Variants in PHRF1 observed in about 807,000 individuals in gnomAD.
PHRF1 encodes the protein PHD and RING finger domain-containing protein 1.
Under a neutral mutation model 128.9 loss-of-function variants are expected in PHRF1, and 53 were observed. That is an observed-to-expected ratio of 0.41 (90% CI 0.33 to 0.52). The LOEUF is 0.52. Among genes scored for constraint, PHRF1 ranks in the 20% least tolerant of loss-of-function variants. The pLI is 0.21. For missense variants in PHRF1, 2,503 were observed against 2,284.5 expected (o/e 1.10, Z -1.95); for synonymous variants, 1,178 against 980.6 (o/e 1.20, Z -3.76).
At chr11:582,412 G>A (rs1490606400) in intron 3 of PHRF1, among the ~76,000 whole-genome samples, 4 of 151,686 alleles carry the variant, frequency 2.6e-5, no homozygotes, top group East Asian at 3.9e-4. Context: ...TTACAGGCAC[G>A]CACCATGACA....
At chr11:589,539 G>GT (rs1854797897) in intron 4 of PHRF1, among the ~76,000 whole-genome samples, 1 of 150,986 alleles carries the variant, frequency 6.6e-6, no homozygotes, top group Non-Finnish European at 1.5e-5. Flanking sequence ...AGTCCCAGGG[G>GT]TTTTGCAGGG....
At chr11:611,605 G>C in intron 17 of PHRF1, 29 bp from the exon 18 acceptor site, 1 of 1,612,582 alleles carries the variant, frequency 6.2e-7, no homozygotes, top group East Asian at 2.2e-5. Context: ...ATGTGAAAGG[G>C]CATTTGGTGA....
chr11:585,715 C>G (rs1308471275), intron 3 of PHRF1, among the ~76,000 whole-genome samples: 4 of 125,716 alleles, frequency 3.2e-5, no homozygotes, highest in Admixed American at 2.7e-4. Context: ...GAGTCTCGCT[C>G]TGTTGCCCAG....
Position 609,504 on chromosome 11 carries a change from G to A in PHRF1, c.4048G>A (p.Asp1350Asn). ...GTQEPHLLRP[D>N]AAEKAEAPSS... Reference sequence around the variant, plus strand: ...CCAGGAGCCACATTTGCTCAGGCCGGACGCGGCTGAGAAGGCTGAGGCACC... The same window carrying A: ...CCAGGAGCCACATTTGCTCAGGCCGAACGCGGCTGAGAAGGCTGAGGCACC... Residue 1350 changes from aspartate to asparagine, a missense_variant, in exon 14 of 18, where the codon GAC (aspartate) becomes AAC (asparagine). Coordinates refer to ENST00000264555, the MANE Select transcript of PHRF1 (RefSeq NM_001286581.2). 6.2e-7 allele frequency: 1 copy of A among 1,603,382 alleles called. No individual in the cohort carries two copies. The highest frequency in any genetic ancestry group is 8.5e-7 in the Non-Finnish European group (1 of 1,178,288).
At chr11:593,867 G>T (rs1053804222) in intron 6 of PHRF1, among the ~76,000 whole-genome samples, 1 of 152,192 alleles carries the variant, frequency 6.6e-6, no homozygotes, top group Non-Finnish European at 1.5e-5. Context: ...TCACGAGTCT[G>T]AGCCTAAATC....
At chr11:599,656 A>G (rs1325203222) in intron 9 of PHRF1, among the ~76,000 whole-genome samples, 1 of 152,200 alleles carries the variant, frequency 6.6e-6, no homozygotes, top group Admixed American at 6.5e-5. Context: ...AATAGTTATG[A>G]GACCACACTT....
intron 5 of PHRF1, among the ~76,000 whole-genome samples, chr11:592,137 G>A (rs541106744): frequency 7.9e-5 from 12 of 151,674 alleles, no homozygotes; most frequent in Admixed American, 2.6e-4. Flanking sequence ...GGATGGTCTC[G>A]ATCTCCTGAC....
chr11:595,014 C>T (rs1304617430), intron 6 of PHRF1, among the ~76,000 whole-genome samples: 1 of 152,202 alleles, frequency 6.6e-6, no homozygotes, highest in Non-Finnish European at 1.5e-5. Flanking sequence ...GCCAAATTTT[C>T]AGTTAAGTCT....
chr11:586,482 C>T (rs1042127228), intron 3 of PHRF1, among the ~76,000 whole-genome samples: 4 of 152,196 alleles, frequency 2.6e-5, no homozygotes, highest in Admixed American at 1.3e-4. Flanking sequence ...TGCCCACATG[C>T]GTGGAACCGG....
intron 3 of PHRF1, among the ~76,000 whole-genome samples, chr11:585,936 A>C (rs1257583125): frequency 6.6e-6 from 1 of 152,054 alleles, no homozygotes; most frequent in Non-Finnish European, 1.5e-5. Flanking sequence ...GTCTAGGCTC[A>C]CTGCAACCTC....
At chr11:604,265 T>A (rs781445032) in intron 10 of PHRF1, among the ~76,000 whole-genome samples, 1 of 152,192 alleles carries the variant, frequency 6.6e-6, no homozygotes, top group African/African-American at 2.4e-5. Context: ...CTGTGGTTCC[T>A]TTCTTCTGCA....
intron 10 of PHRF1, among the ~76,000 whole-genome samples, chr11:602,770 G>GT (rs577884558): frequency 0.017 from 2,291 of 138,384 alleles, 25 homozygotes; most frequent in Admixed American, 0.023. Context: ...TGTTTTTTTT[G>GT]TTTTTTTTTT....
At chr11:604,107 G>A (rs185908654) in intron 10 of PHRF1, among the ~76,000 whole-genome samples, 1 of 152,354 alleles carries the variant, frequency 6.6e-6, no homozygotes, top group East Asian at 1.9e-4. Context: ...TGTTGGATAA[G>A]GACCTGCTAT....
rs202208436 is a variant in PHRF1 at position 607,560 on chromosome 11, C to A, written c.2104C>A (p.Gln702Lys). ...GRRDAAPAHG[Q>K]SIEIPSACIS... ...ACGGGATGCGGCCCCGGCCCACGGG[C>A]AGAGCATTGAGATCCCCAGTGCCTG... Residue 702 changes from glutamine to lysine, a missense_variant, in exon 14 of 18, where the codon CAG becomes AAG. Physicochemically the swap from Gln to Lys is moderately conservative, Grantham distance 53 (BLOSUM62 1). Coordinates refer to ENST00000264555, the MANE Select transcript of PHRF1 (RefSeq NM_001286581.2). 5.1e-5 allele frequency: 82 copies of A among 1,612,590 alleles called. No homozygotes were observed. The East Asian group carries it at 1.8e-3, about 35-fold the overall frequency.
At chr11:577,941 A>G (rs1564834419) in intron 1 of PHRF1, among the ~76,000 whole-genome samples, 1 of 152,272 alleles carries the variant, frequency 6.6e-6, no homozygotes, top group Non-Finnish European at 1.5e-5. Flanking sequence ...TCTGGAGGCT[A>G]AGCAGGAGAG....
At chr11:602,013 G>T (rs1287955227) in intron 10 of PHRF1, among the ~76,000 whole-genome samples, 2 of 152,202 alleles carry the variant, frequency 1.3e-5, no homozygotes, top group African/African-American at 4.8e-5. Flanking sequence ...GTGTGAGCCA[G>T]GCCAGTGCAA....
In PHRF1 at chr11:600,506, A is replaced by ATATG. The variant is rs1855567516; in HGVS notation, c.1025-1065_1025-1064insGTAT. ...TCTGTCTCCAAAAATATATATATAT[A>ATATG]TATATATATATATGGTTTATTTCTC... On this transcript the variant is annotated intron_variant, in intron 9 of 17. Transcript: ENST00000264555. 4.8e-5 allele frequency among the ~76,000 whole-genome samples: 7 copies of ATATG among 144,864 alleles called. No homozygotes were observed. In the South Asian group the frequency reaches 1.5e-3, roughly 31 times the overall value.
At chr11:583,503 C>T (rs375906862) in intron 3 of PHRF1, among the ~76,000 whole-genome samples, 29 of 152,274 alleles carry the variant, frequency 1.9e-4, no homozygotes, top group Non-Finnish European at 2.8e-4. Context: ...GGCCACAGAG[C>T]GAGACTCTGT....
intron 3 of PHRF1, among the ~76,000 whole-genome samples, chr11:584,799 G>A (rs752752225): frequency 9.5e-5 from 14 of 146,952 alleles, no homozygotes; most frequent in Admixed American, 2.1e-4. Context: ...GTGTAGTGGC[G>A]CAATCTCGGC....
Sources: allele counts gnomAD v4.1 joint callset (sites outside exome capture counted in the v4.1 genomes callset), GRCh38; gene constraint gnomAD v4.1.1; transcripts MANE v1.5; gene names NCBI Gene and HGNC (gene_info 2026-07-23, HGNC 2026-07-21).